FAM107A: variants seen among roughly 807,000 people sequenced by gnomAD.
FAM107A encodes family with sequence similarity 107 member A.
In FAM107A, 19 loss-of-function variants were observed where a neutral mutation model predicts 13.7. The ratio of observed to expected loss-of-function variants is 1.38; its 90% CI spans 0.97 to 2.03. The LOEUF is 2.03. Among genes scored for constraint, FAM107A ranks in the 30% most tolerant of loss-of-function variants. The probability of loss-of-function intolerance (pLI) is 0.00; values close to 1 mark genes in which losing one functional copy is unlikely to be tolerated. For missense variants in FAM107A, 203 were observed against 184.4 expected (o/e 1.10, Z -0.58); for synonymous variants, 82 against 74.5 (o/e 1.10, Z -0.52).
intron 2 of FAM107A, among the ~76,000 whole-genome samples, chr3:58,568,097 T>C (rs1268792176): frequency 2.0e-5 from 3 of 151,144 alleles, no homozygotes; most frequent in African/African-American, 7.3e-5. Context: ...CCACCATGTC[T>C]GGCTGTACTG....
intron 1 of FAM107A, among the ~76,000 whole-genome samples, chr3:58,623,513 C>T (rs139274172): frequency 4.2e-4 from 64 of 152,272 alleles, no homozygotes; most frequent in Non-Finnish European, 4.4e-4. Flanking sequence ...CTGGGCACCT[C>T]GCCCCAGCCT....
intron 1 of FAM107A, among the ~76,000 whole-genome samples, chr3:58,626,236 T>C (rs1256170930): frequency 3.9e-5 from 6 of 152,090 alleles, no homozygotes; most frequent in Non-Finnish European, 8.8e-5. Context: ...CCAGGAGGTC[T>C]GATGGGCCAT....
At chr3:58,625,386 G>A (rs890488517) in intron 1 of FAM107A, among the ~76,000 whole-genome samples, 3 of 152,260 alleles carry the variant, frequency 2.0e-5, no homozygotes, top group South Asian at 4.2e-4. Flanking sequence ...AAACCAACCA[G>A]CATTCTTTCT....
intron 1 of FAM107A, among the ~76,000 whole-genome samples, chr3:58,600,924 C>T (rs1459322681): frequency 6.6e-6 from 1 of 152,162 alleles, no homozygotes; most frequent in Non-Finnish European, 1.5e-5. Flanking sequence ...CAGAGCCATG[C>T]CCTGTGGAAA....
intron 1 of FAM107A, among the ~76,000 whole-genome samples, chr3:58,623,742 G>A (rs1440624949): frequency 6.6e-6 from 1 of 152,218 alleles, no homozygotes; most frequent in African/African-American, 2.4e-5. Flanking sequence ...GGGTGACCCT[G>A]AGCCTCTTGC....
Position 58,604,687 on chromosome 3 carries a change from T to C in FAM107A, c.-69-15418A>G, listed in dbSNP as rs17059467. 0.015 allele frequency among the ~76,000 whole-genome samples: 2,333 copies of C among 152,328 alleles called. 53 individuals are homozygous for C. Among genetic ancestry groups the C allele is most frequent in the African/African-American group, 0.052 (2,163 of 41,568 alleles). Reference sequence around the variant, plus strand: ...AATTATTACTTTGCTCACACGGAGATAAGCAGCTGGCATTTGTTGGGCATC... The same window carrying C: ...AATTATTACTTTGCTCACACGGAGACAAGCAGCTGGCATTTGTTGGGCATC... On this transcript the variant is annotated intron_variant, in intron 1 of 3. Transcript: ENST00000465970. This position sits in a 1 kb window ranked among gnomAD's most constrained non-coding sequence, Gnocchi z 4.1.
At chr3:58,606,950 G>C (rs1327144915) in intron 1 of FAM107A, 1 of 152,244 alleles carries the variant, frequency 6.6e-6, no homozygotes, top group East Asian at 1.9e-4. Flanking sequence ...GAAAAGTAGA[G>C]CCCTGAGAGA....
At position 58,575,943 on chromosome 3, in the gene FAM107A, T is replaced by G. The variant is rs934785412; in HGVS notation, c.-6+1366A>C. Among the ~76,000 whole-genome samples, 3 of 152,208 alleles carry G rather than the reference T, an allele frequency of 2.0e-5. No individual in the cohort carries two copies. In the East Asian group the frequency reaches 5.8e-4, roughly 29 times the overall value. On this transcript the variant is annotated intron_variant, in intron 1 of 3. Transcript: ENST00000360997. ...TGGGTTCCGAACACATTCAGAACCC[T>G]CTTGGTTCAGCATTTAATGGGATGC...
Position 58,567,315 on chromosome 3 carries a change from G to A in FAM107A, c.220C>T (p.Arg74Cys), listed in dbSNP as rs758535254. The change falls in exon 3 of 4, where the codon CGC (arginine) becomes TGC (cysteine). Residue 74 changes from arginine to cysteine, a missense_variant. Physicochemically the swap from Arg to Cys is radical, Grantham distance 180. Transcript: ENST00000360997. The stretch of plus-strand genomic sequence containing the variant: ...TTCTTGATGAGCTGGTTCCGCCGGC[G>A]GTGCTCTAGGACACGCTGCAGCTCT... ...KPELQRVLEH[R>C]RRNQLIKKKK... is the part of the protein sequence containing the mutation. 8.1e-6 allele frequency: 13 copies of A among 1,612,542 alleles called. No homozygotes were observed. The highest frequency in any genetic ancestry group is 1.7e-5 in the Admixed American group (1 of 59,946).
At chr3:58,622,872 G>C (rs2065970088) in intron 1 of FAM107A, among the ~76,000 whole-genome samples, 1 of 152,178 alleles carries the variant, frequency 6.6e-6, no homozygotes, top group Non-Finnish European at 1.5e-5. Context: ...GGGCACAGGA[G>C]TCCTTTGGGA....
upstream of FAM107A, among the ~76,000 whole-genome samples, chr3:58,589,623 T>A (rs1381119393): frequency 6.6e-6 from 1 of 152,276 alleles, no homozygotes; most frequent in African/African-American, 2.4e-5. Context: ...TATATGCAGC[T>A]GTACATGTGA....
intron 1 of FAM107A, among the ~76,000 whole-genome samples, chr3:58,621,311 T>A (rs558500214): frequency 6.6e-6 from 1 of 152,268 alleles, no homozygotes; most frequent in East Asian, 1.9e-4. Context: ...CACTAAGGAC[T>A]GGGGCCAGCT....
upstream of FAM107A, among the ~76,000 whole-genome samples, chr3:58,587,474 A>AGTGTGT (rs376881213): frequency 1.9e-4 from 27 of 145,452 alleles, no homozygotes; most frequent in Non-Finnish European, 2.4e-4. Flanking sequence ...ATCAGCTTAG[A>AGTGTGT]GTGTGTGTGT....
intron 1 of FAM107A, among the ~76,000 whole-genome samples, chr3:58,575,735 G>T (rs1259297763): frequency 1.3e-5 from 2 of 152,220 alleles, no homozygotes; most frequent in Non-Finnish European, 2.9e-5. Context: ...CTGCTAACTT[G>T]AGGACTCCTA....
intron 1 of FAM107A, among the ~76,000 whole-genome samples, chr3:58,598,902 A>G (rs2065729024): frequency 6.6e-6 from 1 of 151,904 alleles, no homozygotes; most frequent in South Asian, 2.1e-4. Flanking sequence ...TTAAACCATT[A>G]CGCTTTAGTT....
chr3:58,627,089 T>TCGC, intron 1 of FAM107A: 3 of 1,284,692 alleles, frequency 2.3e-6, no homozygotes, highest in Non-Finnish European at 3.3e-6. Flanking sequence ...CCCAAGGGGC[T>TCGC]CCCGGGGCGA....
chr3:58,564,232 T>A lies in FAM107A; in HGVS notation c.*2356A>T, dbSNP rs1408126992. 1 of 152,256 alleles carries A rather than the reference T, an allele frequency of 6.6e-6. No homozygotes were observed. The highest frequency in any genetic ancestry group is 1.5e-5 in the Non-Finnish European group (1 of 68,078). The allele number at this position is 152,256 out of a possible 1,614,324, so 9.4% of individuals were successfully genotyped here. On this transcript the variant is annotated 3_prime_UTR_variant, in exon 4 of 4. Transcript: ENST00000360997. The surrounding 1 kb of genome is among the most constrained non-coding windows in gnomAD (Gnocchi z 5.6). ...GACTCTGTGATTCTCTTGGCCTTTTTGTCATGGTAGCAAAGTGGCTGCTGT... is the reference window on the plus strand; with the variant it reads ...GACTCTGTGATTCTCTTGGCCTTTTAGTCATGGTAGCAAAGTGGCTGCTGT...
chr3:58,595,288 A>C (rs914489960), intron 1 of FAM107A, among the ~76,000 whole-genome samples: 13 of 152,236 alleles, frequency 8.5e-5, no homozygotes, highest in African/African-American at 2.9e-4. Context: ...TCTGATCCCA[A>C]GCTAACCCAT....
chr3:58,589,264 T>A, upstream of FAM107A: 3 of 1,530,436 alleles, frequency 2.0e-6, no homozygotes, highest in South Asian at 2.4e-5. Flanking sequence ...GAGGAGAGTA[T>A]GTTTTCTGTA....
Sources: allele counts gnomAD v4.1 joint callset (sites outside exome capture counted in the v4.1 genomes callset), GRCh38; gene constraint gnomAD v4.1.1; non-coding constraint Gnocchi (gnomAD v3.1); transcripts MANE v1.5; gene names NCBI Gene and HGNC (gene_info 2026-07-23, HGNC 2026-07-21).